RBFOX2: variants seen among roughly 807,000 people sequenced by gnomAD.
RBFOX2 encodes RNA binding fox-1 homolog 2, also known as RNA binding protein fox-1 homolog 2.
RBFOX2 carries 10 observed loss-of-function variants against 49.1 expected under a neutral mutation model. That is an observed-to-expected ratio of 0.20 (90% CI 0.13 to 0.35). The LOEUF is 0.35. Among genes scored for constraint, RBFOX2 ranks in the 10% least tolerant of loss-of-function variants. The probability of loss-of-function intolerance (pLI) is 1.00; values close to 1 mark genes in which losing one functional copy is unlikely to be tolerated. For synonymous variants in RBFOX2, 183 were observed against 187.4 expected (o/e 0.98, Z 0.19); for missense variants, 323 against 486.9 (o/e 0.66, Z 3.17).
chr22:35,909,270 C>T (rs1432430174), intron 1 of RBFOX2, among the ~76,000 whole-genome samples: 2 of 152,020 alleles, frequency 1.3e-5, no homozygotes, highest in Admixed American at 6.6e-5. Context: ...CCAGCCTAAG[C>T]CACATAGCAA....
intron 1 of RBFOX2, among the ~76,000 whole-genome samples, chr22:36,026,808 G>A (rs1018945313): frequency 5.9e-5 from 9 of 152,160 alleles, no homozygotes; most frequent in South Asian, 4.1e-4. Flanking sequence ...ATCAACAGAA[G>A]TAACAGGGTA....
In RBFOX2 at chr22:35,746,565, C is replaced by T. The variant is rs1446160942; in HGVS notation, c.888-4G>A. 1 of 1,568,440 alleles carries T rather than the reference C, an allele frequency of 6.4e-7. No homozygotes were observed. Among genetic ancestry groups the T allele is most frequent in the Admixed American group, 1.9e-5 (1 of 53,924 alleles). ...ATCTGTAGGCTGCATATCCACCCTA[C>T]AGGAGAGAAGAGAACTGACTTTACA... On this transcript the variant is annotated splice_polypyrimidine_tract_variant and splice_region_variant and intron_variant, in intron 9 of 11. Coordinates refer to ENST00000405409, the Ensembl canonical transcript of RBFOX2.
At chr22:35,896,670 C>T (rs181567057) in intron 1 of RBFOX2, among the ~76,000 whole-genome samples, 2 of 152,278 alleles carry the variant, frequency 1.3e-5, no homozygotes, top group South Asian at 2.1e-4. Flanking sequence ...TTTCCGCAGA[C>T]GAACGTTTTC....
intron 4 of RBFOX2, among the ~76,000 whole-genome samples, chr22:35,775,554 TG>T (rs1210807873): frequency 6.6e-6 from 1 of 151,880 alleles, no homozygotes; most frequent in Non-Finnish European, 1.5e-5. Flanking sequence ...TAAAAAAATG[TG>T]GGGCCAGGAT....
chr22:35,930,437 T>TA (rs549515640), intron 1 of RBFOX2, among the ~76,000 whole-genome samples: 55 of 152,240 alleles, frequency 3.6e-4, no homozygotes, highest in African/African-American at 1.2e-3. Flanking sequence ...TGTTTGGATA[T>TA]AAAATAAATA....
chr22:35,897,271 T>TG (rs2047968742), intron 1 of RBFOX2: 3 of 1,507,636 alleles, frequency 2.0e-6, no homozygotes, highest in Non-Finnish European at 2.8e-6. Context: ...CACTAAATGT[T>TG]GACGGTCTTG....
intron 1 of RBFOX2, among the ~76,000 whole-genome samples, chr22:35,853,401 CTA>C (rs1309855311): frequency 1.3e-5 from 2 of 151,646 alleles, no homozygotes; most frequent in Non-Finnish European, 2.9e-5. Context: ...ATGTATGAAT[CTA>C]TGTGTACATC....
At chr22:35,844,546 G>A (rs1327545127), upstream of RBFOX2, among the ~76,000 whole-genome samples, 1 of 151,762 alleles carries the variant, frequency 6.6e-6, no homozygotes, top group Non-Finnish European at 1.5e-5. Context: ...CCAGGCTGGA[G>A]TGCAGTGGCA....
At chr22:35,928,241 T>C (rs878904063) in intron 1 of RBFOX2, among the ~76,000 whole-genome samples, 6 of 152,246 alleles carry the variant, frequency 3.9e-5, no homozygotes, top group Admixed American at 3.9e-4. Context: ...TGTGTGTGTC[T>C]GTGTCTGTTG....
At chr22:35,816,186 C>T (rs1005131301) in intron 1 of RBFOX2, among the ~76,000 whole-genome samples, 2 of 152,198 alleles carry the variant, frequency 1.3e-5, no homozygotes, top group African/African-American at 2.4e-5. Flanking sequence ...CAAAATTACT[C>T]TAGATTCTTA....
chr22:35,841,608 C>T (rs2040505085), upstream of RBFOX2, among the ~76,000 whole-genome samples: 1 of 152,094 alleles, frequency 6.6e-6, no homozygotes, highest in Non-Finnish European at 1.5e-5. Context: ...ATAAATAGCT[C>T]ATTCTGAAGG....
rs562340540 is a variant in RBFOX2, at chr22:35,864,334, G to C, written c.-33-54330C>G. Among the ~76,000 whole-genome samples the C allele has an allele frequency of 4.6e-5, 7 of 152,238 alleles. 1 individual carries two copies. The South Asian group carries it at 1.5e-3, about 32-fold the overall frequency. ...TACCAGGGTTTTTTCCCCATGACCT[G>C]AAACCACTATAATATAGCAATTTAA... On this transcript the variant is annotated intron_variant, in intron 1 of 13. Coordinates refer to the RBFOX2 transcript ENST00000359369.
chr22:35,855,223 A>G (rs1569399232), intron 1 of RBFOX2, among the ~76,000 whole-genome samples: 1 of 152,200 alleles, frequency 6.6e-6, no homozygotes, highest in Non-Finnish European at 1.5e-5. Context: ...ATTTTCCACA[A>G]TAAACTCAAG....
chr22:36,000,005 A>ATATATATTTT (rs10625815), intron 1 of RBFOX2: 5 of 118,984 alleles, frequency 4.2e-5, no homozygotes, highest in Admixed American at 3.2e-4. Context: ...ATATATATAT[A>ATATATATTTT]TTTTTTTTTT....
chr22:35,879,877 T>C (rs151009041), intron 1 of RBFOX2, among the ~76,000 whole-genome samples: 2 of 152,156 alleles, frequency 1.3e-5, no homozygotes, highest in South Asian at 2.1e-4. Flanking sequence ...GCTAGTAGGA[T>C]GGGCACGGCA....
At chr22:35,786,640 G>A (rs866507709) in intron 2 of RBFOX2, among the ~76,000 whole-genome samples, 154 of 152,204 alleles carry the variant, frequency 1.0e-3, no homozygotes, top group African/African-American at 3.5e-3. Flanking sequence ...GAGCCACAGC[G>A]CCTGGCCTGG....
At chr22:35,765,541 A>C in intron 5 of RBFOX2, 58 bp from the exon 7 acceptor site, 1 of 1,036,736 alleles carries the variant, frequency 9.6e-7, no homozygotes, top group Non-Finnish European at 1.4e-6. Flanking sequence ...TAGGGAACAT[A>C]AAGTTGCACA....
chr22:35,846,330 T>TTGTGTGTGTG lies in RBFOX2; in HGVS notation c.-33-36336_-33-36327dup, dbSNP rs35272106. Among the ~76,000 whole-genome samples the TTGTGTGTGTG allele has an allele frequency of 6.6e-4, 93 of 140,452 alleles. 1 individual carries two copies. The highest frequency in any genetic ancestry group is 3.7e-3 in the South Asian group (16 of 4,272). 92.1% of individuals were successfully genotyped at this position (140,452 alleles called of 152,430 possible). Reference sequence around the variant, plus strand: ...TATATAAGTAAATAAATTTATATAGTTGTGTGTGTGTGTGTGTGTGTGTGT... The same window carrying TTGTGTGTGTG: ...TATATAAGTAAATAAATTTATATAGTTGTGTGTGTGTGTGTGTGTGTGTGTGTGTGTGTGT... On this transcript the variant is annotated intron_variant, in intron 1 of 13. Transcript: ENST00000359369.
chr22:35,774,212 G>A (rs973598909), intron 4 of RBFOX2, among the ~76,000 whole-genome samples: 1 of 152,032 alleles, frequency 6.6e-6, no homozygotes, highest in African/African-American at 2.4e-5. Context: ...TAATAATTAT[G>A]CTAAGATAAC....
Sources: allele counts gnomAD v4.1 joint callset (sites outside exome capture counted in the v4.1 genomes callset), GRCh38; gene constraint gnomAD v4.1.1; transcripts MANE v1.5; gene names NCBI Gene and HGNC (gene_info 2026-07-23, HGNC 2026-07-21).